The following MARCHF8 variants were observed in gnomAD, a reference collection of about 807,000 sequenced individuals.
MARCHF8 encodes the protein E3 ubiquitin-protein ligase MARCHF8.
A neutral mutation model predicts 51.6 loss-of-function variants in MARCHF8; 40 were observed. The observed-to-expected ratio is 0.77, with a 90% confidence interval of 0.60 to 1.01. The LOEUF (loss-of-function observed/expected upper bound fraction) is 1.01, where lower values mean the gene tolerates loss of function less well. MARCHF8 is among the 50% of genes least tolerant of loss of function. The pLI is 0.00. For synonymous variants in MARCHF8, 263 were observed against 280.3 expected (o/e 0.94, Z 0.62); for missense variants, 685 against 708.6 (o/e 0.97, Z 0.38).
At chr10:45,488,964 C>A (rs572757218) in intron 3 of MARCHF8, among the ~76,000 whole-genome samples, 1 of 152,200 alleles carries the variant, frequency 6.6e-6, no homozygotes, top group South Asian at 2.1e-4. Flanking sequence ...GTGATCAACT[C>A]TGCCCTGGAT....
At chr10:45,483,963 T>G (rs1455793485) in intron 3 of MARCHF8, among the ~76,000 whole-genome samples, 1 of 152,116 alleles carries the variant, frequency 6.6e-6, no homozygotes, top group African/African-American at 2.4e-5. Flanking sequence ...TACAGTTAGA[T>G]AGTCACAATA....
chr10:45,494,331 G>A (rs949000214), intron 2 of MARCHF8, among the ~76,000 whole-genome samples: 2 of 152,154 alleles, frequency 1.3e-5, no homozygotes, highest in African/African-American at 2.4e-5. Flanking sequence ...AGAAGACAAC[G>A]AGGTGAGATG....
intron 2 of MARCHF8, among the ~76,000 whole-genome samples, chr10:45,514,577 C>G (rs762893143): frequency 5.9e-5 from 9 of 152,232 alleles, no homozygotes; most frequent in Admixed American, 1.3e-4. Context: ...TTTCAAGGAA[C>G]GAGGCAGTGA....
intron 3 of MARCHF8, among the ~76,000 whole-genome samples, chr10:45,478,339 TAA>T: frequency 6.6e-6 from 1 of 152,150 alleles, no homozygotes; most frequent in East Asian, 1.9e-4. Flanking sequence ...AAAAATGCCT[TAA>T]ATAAAAATCG....
chr10:45,474,983 C>G (rs374747980), intron 3 of MARCHF8, among the ~76,000 whole-genome samples: 13 of 152,328 alleles, frequency 8.5e-5, no homozygotes, highest in African/African-American at 3.1e-4. Flanking sequence ...GTCCCACACA[C>G]CCCTGGAGTC....
At chr10:45,561,975 A>G (rs2044316638) in intron 1 of MARCHF8, among the ~76,000 whole-genome samples, 1 of 152,106 alleles carries the variant, frequency 6.6e-6, no homozygotes, top group Non-Finnish European at 1.5e-5. Context: ...GTTTCAAACA[A>G]TAAAACATTG....
chr10:45,543,797 C>CAAAAAAAAAAAAAAAA (rs35514763), intron 1 of MARCHF8, among the ~76,000 whole-genome samples: 1 of 49,728 alleles, frequency 2.0e-5, no homozygotes, highest in African/African-American at 8.3e-5. Flanking sequence ...GACTCCGTCT[C>CAAAAAAAAAAAAAAAA]AAAAAAAAAA....
intron 1 of MARCHF8, among the ~76,000 whole-genome samples, chr10:45,584,715 C>A (rs1354661352): frequency 6.6e-6 from 1 of 151,900 alleles, no homozygotes; most frequent in African/African-American, 2.4e-5. Context: ...CCAGTGGACC[C>A]AATCAAATCA....
At chr10:45,461,181 TG>T in intron 6 of MARCHF8, 49 bp downstream of exon 6, 8 of 1,364,200 alleles carry the variant, frequency 5.9e-6, no homozygotes, top group Non-Finnish European at 7.8e-6. Flanking sequence ...ACCAGCTTTC[TG>T]GGGGTCACTG....
chr10:45,582,618 G>A (rs1391640166), intron 1 of MARCHF8, among the ~76,000 whole-genome samples: 1 of 152,182 alleles, frequency 6.6e-6, no homozygotes, highest in Non-Finnish European at 1.5e-5. Flanking sequence ...CTTGCCAGAG[G>A]TCAAGCTATT....
At chr10:45,486,804 C>CTTTT (rs34757159) in intron 3 of MARCHF8, among the ~76,000 whole-genome samples, 5 of 94,580 alleles carry the variant, frequency 5.3e-5, no homozygotes, top group African/African-American at 1.3e-4. Flanking sequence ...TATTACCCTA[C>CTTTT]TTTTTTTTTT....
intron 2 of MARCHF8, among the ~76,000 whole-genome samples, chr10:45,497,159 G>A (rs1319000455): frequency 2.0e-5 from 3 of 151,872 alleles, no homozygotes; most frequent in Non-Finnish European, 4.4e-5. Flanking sequence ...CCATAAAAAG[G>A]GGTAGTCATT....
intron 2 of MARCHF8, among the ~76,000 whole-genome samples, chr10:45,527,936 G>T (rs191667190): frequency 4.6e-5 from 7 of 152,284 alleles, no homozygotes; most frequent in Non-Finnish European, 7.4e-5. Flanking sequence ...AGGGATACAA[G>T]TAGGGTTTAA....
At chr10:45,517,610 C>T (rs1322665759) in intron 2 of MARCHF8, among the ~76,000 whole-genome samples, 1 of 152,176 alleles carries the variant, frequency 6.6e-6, no homozygotes, top group Non-Finnish European at 1.5e-5. Flanking sequence ...GAACAGATGC[C>T]GGTGTCAGGC....
chr10:45,540,088 AG>A (rs2044029319), upstream of MARCHF8, among the ~76,000 whole-genome samples: 1 of 152,258 alleles, frequency 6.6e-6, no homozygotes, highest in Non-Finnish European at 1.5e-5. Context: ...GCTCATGGGT[AG>A]GAAGAATCAA....
intron 2 of MARCHF8, among the ~76,000 whole-genome samples, chr10:45,501,651 C>G (rs12413649): frequency 0.025 from 3,840 of 152,144 alleles, 95 homozygotes; most frequent in Non-Finnish European, 0.039. Context: ...TAAACTTCAT[C>G]AAAATCAGAA....
At chr10:45,498,960 T>A (rs767350029) in intron 2 of MARCHF8, among the ~76,000 whole-genome samples, 6 of 152,246 alleles carry the variant, frequency 3.9e-5, no homozygotes, top group Non-Finnish European at 8.8e-5. Context: ...CTTTGGGGTA[T>A]ATACCCAGAA....
chr10:45,482,594 A>G (rs534265569), intron 3 of MARCHF8, among the ~76,000 whole-genome samples: 1 of 152,306 alleles, frequency 6.6e-6, no homozygotes, highest in African/African-American at 2.4e-5. Context: ...TCACTACTAA[A>G]AATACAAAAA....
intron 1 of MARCHF8, among the ~76,000 whole-genome samples, chr10:45,588,923 T>C (rs1259516896): frequency 7.4e-6 from 1 of 134,920 alleles, no homozygotes; most frequent in East Asian, 2.1e-4. Flanking sequence ...GGCATGAACA[T>C]GGGAGGTGGA....
Sources: gnomAD v4.1 joint callset for allele counts (sites outside exome capture counted in the v4.1 genomes callset) on GRCh38, gnomAD v4.1.1 for gene constraint, MANE v1.5 for transcripts, NCBI Gene and HGNC (gene_info 2026-07-23, HGNC 2026-07-21) for gene names.